The following ZNF609 variants were observed in gnomAD, a reference collection of about 807,000 sequenced individuals.
The protein encoded by ZNF609 is zinc finger protein 609.
A neutral mutation model predicts 109.5 loss-of-function variants in ZNF609; 11 were observed. The ratio of observed to expected loss-of-function variants is 0.10; its 90% CI spans 0.06 to 0.17. The LOEUF (loss-of-function observed/expected upper bound fraction) is 0.17, where lower values mean the gene tolerates loss of function less well. ZNF609 is among the 10% of genes least tolerant of loss of function. ZNF609 has a pLI of 1.00. For missense variants in ZNF609, 1,559 were observed against 1,772.4 expected (o/e 0.88, Z 2.16); for synonymous variants, 646 against 662.0 (o/e 0.98, Z 0.37).
chr15:64,584,142 C>T (rs2140429484), intron 2 of ZNF609, among the ~76,000 whole-genome samples: 1 of 152,082 alleles, frequency 6.6e-6, no homozygotes, highest in African/African-American at 2.4e-5. Flanking sequence ...AGCAACTAAC[C>T]CTCAGTTGTA....
Position 64,528,969 on chromosome 15 carries a change from G to T in ZNF609, c.747+28803G>T. ...CCGCCACTGACACATTGGCAGTGGG[G>T]ACATGGAAGGCCATGCCAGTGAGCT... On this transcript the variant is annotated intron_variant, in intron 2 of 9. Coordinates refer to ENST00000326648, the MANE Select transcript of ZNF609 (RefSeq NM_015042.2). The T allele has an allele frequency of 4.8e-6, 7 of 1,462,418 alleles. No individual in the cohort carries two copies. The Middle Eastern group carries it at 9.7e-4, about 202-fold the overall frequency. The allele number at this position is 1,462,418 out of a possible 1,614,324, so 90.6% of individuals were successfully genotyped here. A position where few individuals can be genotyped will look rare whatever the true frequency, so the allele number is the denominator to read the frequency against.
chr15:64,624,449 C>A (rs1009873504), intron 3 of ZNF609, among the ~76,000 whole-genome samples: 3 of 152,098 alleles, frequency 2.0e-5, no homozygotes, highest in African/African-American at 7.2e-5. Context: ...TTCAAGGCCT[C>A]TTACCTCAGT....
intron 1 of ZNF609, among the ~76,000 whole-genome samples, chr15:64,473,148 C>T (rs1206499034): frequency 7.0e-6 from 1 of 141,998 alleles, no homozygotes; most frequent in Non-Finnish European, 1.5e-5. Context: ...CATTGCTGTT[C>T]TTCCAGTTGC....
chr15:64,552,411 G>A (rs926571107), intron 2 of ZNF609, among the ~76,000 whole-genome samples: 2 of 152,096 alleles, frequency 1.3e-5, no homozygotes, highest in Admixed American at 6.6e-5. Context: ...TTGCTCTGTT[G>A]CCCAGACTGG....
At chr15:64,478,434 G>A (rs554326120) in intron 1 of ZNF609, among the ~76,000 whole-genome samples, 14 of 151,954 alleles carry the variant, frequency 9.2e-5, no homozygotes, top group Non-Finnish European at 8.8e-5. Context: ...GCATTGTTGC[G>A]ATCTCGGCTC....
Position 64,674,232 on chromosome 15 carries a change from A to T in ZNF609, c.1378A>T (p.Ser460Cys). 6.2e-7 allele frequency: 1 copy of T among 1,614,174 alleles called. No individual in the cohort carries two copies. The highest frequency in any genetic ancestry group is 8.5e-7 in the Non-Finnish European group (1 of 1,180,014). The change falls in exon 5 of 10, where the codon AGC becomes TGC. Residue 460 changes from serine to cysteine, a missense_variant. Ser to Cys is a moderately radical substitution (Grantham distance 112, BLOSUM62 -1). Transcript: ENST00000326648. ...TTCTAGCTCAGAGGACTCCAAAGGG[A>T]GCAAGCGTGTCCGTACTAATTCCAT... is the stretch of plus-strand genomic sequence containing the variant. ...LNSSSEDSKG[S>C]KRVRTNSMGS...
chr15:64,468,453 C>T (rs1566991672), intron 1 of ZNF609, among the ~76,000 whole-genome samples: 1 of 151,884 alleles, frequency 6.6e-6, no homozygotes, highest in Non-Finnish European at 1.5e-5. Context: ...TGTTTCGCTG[C>T]ATTGCCCAGG....
intron 2 of ZNF609, among the ~76,000 whole-genome samples, chr15:64,560,228 A>T (rs1434366691): frequency 1.3e-5 from 2 of 151,786 alleles, no homozygotes; most frequent in African/African-American, 2.4e-5. Context: ...TTGTATTTTT[A>T]GTAGAGATGG....
At chr15:64,567,061 T>C (rs995008960) in intron 2 of ZNF609, among the ~76,000 whole-genome samples, 15 of 152,156 alleles carry the variant, frequency 9.9e-5, no homozygotes, top group Admixed American at 3.3e-4. Flanking sequence ...TATAAGGAAA[T>C]AGCTAAAAAG....
At chr15:64,491,059 C>T (rs1053597559) in intron 1 of ZNF609, among the ~76,000 whole-genome samples, 2 of 152,220 alleles carry the variant, frequency 1.3e-5, no homozygotes, top group African/African-American at 4.8e-5. Context: ...TGTTCTTTAT[C>T]TAATCTCCAT....
intron 3 of ZNF609, among the ~76,000 whole-genome samples, chr15:64,663,547 T>A (rs1178965552): frequency 6.6e-6 from 1 of 152,094 alleles, no homozygotes; most frequent in Non-Finnish European, 1.5e-5. Context: ...ATCTGGAGTT[T>A]AGGGGAGAGG....
chr15:64,602,090 A>G (rs954101088), intron 2 of ZNF609, among the ~76,000 whole-genome samples: 23 of 152,228 alleles, frequency 1.5e-4, no homozygotes, highest in African/African-American at 5.3e-4. Flanking sequence ...TAGGCATACA[A>G]TAAATTCTAA....
chr15:64,467,996 C>G (rs1369087966), intron 1 of ZNF609, among the ~76,000 whole-genome samples: 1 of 150,004 alleles, frequency 6.7e-6, no homozygotes, highest in Non-Finnish European at 1.5e-5. Context: ...GTTATGTTTT[C>G]TTTACTAGTA....
intron 3 of ZNF609, among the ~76,000 whole-genome samples, chr15:64,624,153 T>A (rs956826761): frequency 2.0e-5 from 3 of 152,242 alleles, no homozygotes; most frequent in Admixed American, 2.0e-4. Flanking sequence ...TATTCTTGTC[T>A]GTGTCATCAT....
At chr15:64,543,723 C>A (rs943457162) in intron 2 of ZNF609, among the ~76,000 whole-genome samples, 2 of 152,124 alleles carry the variant, frequency 1.3e-5, no homozygotes, top group African/African-American at 4.8e-5. Context: ...GGATTACAGG[C>A]GTAAGCCACC....
intron 2 of ZNF609, among the ~76,000 whole-genome samples, chr15:64,617,720 T>C (rs1261905640): frequency 6.6e-6 from 1 of 151,900 alleles, no homozygotes; most frequent in Non-Finnish European, 1.5e-5. Flanking sequence ...GCAGAGGTTG[T>C]AGTGAGCTGA....
At chr15:64,534,506 G>A (rs562341317) in intron 2 of ZNF609, among the ~76,000 whole-genome samples, 5 of 151,798 alleles carry the variant, frequency 3.3e-5, no homozygotes, top group Non-Finnish European at 7.4e-5. Flanking sequence ...GTAAAGATGG[G>A]GTTTCACCGT....
At chr15:64,543,493 A>T (rs1289791056) in intron 2 of ZNF609, among the ~76,000 whole-genome samples, 1 of 149,464 alleles carries the variant, frequency 6.7e-6, no homozygotes, top group African/African-American at 2.5e-5. Flanking sequence ...GCCCAGGCTG[A>T]AGTGCAGTGG....
At chr15:64,588,388 A>G (rs1490250671) in intron 2 of ZNF609, among the ~76,000 whole-genome samples, 4 of 124,226 alleles carry the variant, frequency 3.2e-5, no homozygotes, top group Non-Finnish European at 4.8e-5. Context: ...AGATTGCCCT[A>G]CTGCACTCCA....
Sources: allele counts gnomAD v4.1 joint callset (sites outside exome capture counted in the v4.1 genomes callset), GRCh38; gene constraint gnomAD v4.1.1; transcripts MANE v1.5; gene names NCBI Gene and HGNC (gene_info 2026-07-23, HGNC 2026-07-21).